SHANK2: variants seen among roughly 807,000 people sequenced by gnomAD.
The protein encoded by SHANK2 is SH3 and multiple ankyrin repeat domains protein 2.
A neutral mutation model predicts 133.7 loss-of-function variants in SHANK2; 43 were observed. The ratio of observed to expected loss-of-function variants is 0.32; its 90% confidence interval spans 0.25 to 0.41. SHANK2 has a LOEUF of 0.41. Ranked by LOEUF, SHANK2 falls within the 10% of genes least tolerant of loss-of-function variation. The probability of loss-of-function intolerance (pLI) is 1.00; values close to 1 mark genes in which losing one functional copy is unlikely to be tolerated. For missense variants in SHANK2, 1,994 were observed against 2,235.8 expected, an observed-to-expected ratio of 0.89 and a Z score of 2.18; for synonymous variants, 1,017 against 952.8, an observed-to-expected ratio of 1.07 and a Z score of -1.24.
At chr11:70,643,391 G>A (rs979668407) in intron 17 of SHANK2, among the ~76,000 whole-genome samples, 9 of 152,076 alleles carry the variant, frequency 5.9e-5, no homozygotes, top group South Asian at 2.1e-4. Context: ...GTGAAAACCC[G>A]TCTCTACTAA....
In SHANK2 at chr11:71,082,394, C is replaced by T. The variant is rs1290009710; in HGVS notation, c.913-7119G>A. ...CCTCGATACCTAGATGGACAGTGAT[C>T]GCCTCAGCACCTGGACACGGTGGGT... On this transcript the variant is annotated intron_variant, in intron 8 of 25. Transcript: ENST00000601538. Among the ~76,000 whole-genome samples the T allele has an allele frequency of 5.3e-5, 8 of 152,316 alleles. No individual in the cohort carries two copies. In the East Asian group the frequency reaches 1.2e-3, roughly 22 times the overall value.
At chr11:71,181,572 G>C (rs1387368097) in intron 2 of SHANK2, among the ~76,000 whole-genome samples, 6 of 152,124 alleles carry the variant, frequency 3.9e-5, no homozygotes, top group African/African-American at 1.4e-4. Context: ...CAGTGTCAAA[G>C]AAAACCAATC....
At chr11:70,790,949 G>A (rs11237497) in intron 14 of SHANK2, among the ~76,000 whole-genome samples, 26,162 of 152,052 alleles carry the variant, frequency 0.17, 2,598 homozygotes, top group African/African-American at 0.25. Context: ...TAAGGTCCTC[G>A]AGGATGACCA....
At chr11:70,683,812 C>A (rs564320280) in intron 15 of SHANK2, among the ~76,000 whole-genome samples, 8 of 150,952 alleles carry the variant, frequency 5.3e-5, no homozygotes, top group Admixed American at 5.3e-4. Flanking sequence ...CAGACAGAGT[C>A]TCCCTCTGTT....
At position 70,502,717 on chromosome 11, in the gene SHANK2, C is replaced by T. The variant is rs531018646; in HGVS notation, c.2197+79G>A. The T allele has an allele frequency of 1.4e-5, 20 of 1,384,040 alleles. No homozygotes were observed. In the African/African-American group the frequency reaches 2.2e-4, roughly 15 times the overall value. 85.7% of individuals were successfully genotyped at this position (1,384,040 alleles called of 1,614,324 possible). On this transcript the variant is annotated intron_variant, in intron 18 of 25. Transcript: ENST00000601538. ...ATCAGCTGGAGAGAGGGCCCACTGC[C>T]CCCCAGCTGTCCTGCCCGCCCCCAC...
intron 14 of SHANK2, among the ~76,000 whole-genome samples, chr11:70,755,116 G>A (rs1300398682): frequency 1.3e-5 from 2 of 151,374 alleles, no homozygotes; most frequent in Non-Finnish European, 2.9e-5. Context: ...CTGTTGCCCA[G>A]GCTGGAGTGC....
In SHANK2 at chr11:70,487,555, G is replaced by A. The variant is rs1438222472; in HGVS notation, c.2738C>T (p.Thr913Ile). ...PTTYNCPKSPTPRVYGTIKPA... is the reference protein window; with the variant it reads ...PTTYNCPKSPIPRVYGTIKPA... ...CTTAATCGTCCCGTAGACTCTTGGA[G>A]TTGGGGACTTGGGGCAGTTGTAAGT... Residue 913 changes from threonine to isoleucine, a missense_variant, in exon 25 of 26, where the codon ACT becomes ATT. Thr to Ile is a moderately conservative substitution (Grantham distance 89). Coordinates refer to ENST00000601538, the MANE Select transcript of SHANK2 (RefSeq NM_012309.5). The surrounding 1 kb of genome is among the most constrained non-coding windows in gnomAD (Gnocchi z 5.8). 3 of 1,613,718 alleles carry A rather than the reference G, an allele frequency of 1.9e-6. No individual in the cohort carries two copies. Among genetic ancestry groups the A allele is most frequent in the Non-Finnish European group, 2.5e-6 (3 of 1,179,960 alleles).
At chr11:70,575,593 G>A (rs2060106605) in intron 17 of SHANK2, among the ~76,000 whole-genome samples, 1 of 151,242 alleles carries the variant, frequency 6.6e-6, no homozygotes, top group South Asian at 2.2e-4. Context: ...GGGTGGGGAG[G>A]AGACACCAGG....
chr11:70,775,327 G>A (rs943454550), intron 14 of SHANK2, among the ~76,000 whole-genome samples: 2 of 152,268 alleles, frequency 1.3e-5, no homozygotes, highest in East Asian at 1.9e-4. Flanking sequence ...GCATTGGCAC[G>A]TGTTTGTAAT....
At chr11:70,908,390 C>T (rs1249019885) in intron 10 of SHANK2, among the ~76,000 whole-genome samples, 3 of 152,218 alleles carry the variant, frequency 2.0e-5, no homozygotes, top group African/African-American at 7.2e-5. Context: ...TACACGGTGT[C>T]CTCAGGACAG....
chr11:71,218,322 T>C (rs1458500558), intron 2 of SHANK2, among the ~76,000 whole-genome samples: 2 of 143,864 alleles, frequency 1.4e-5, no homozygotes, highest in Admixed American at 1.5e-4. Flanking sequence ...TGGAGTGCAA[T>C]GGTGCAACCT....
At chr11:70,797,088 C>A (rs972586306) in intron 14 of SHANK2, among the ~76,000 whole-genome samples, 1 of 152,204 alleles carries the variant, frequency 6.6e-6, no homozygotes, top group African/African-American at 2.4e-5. Flanking sequence ...TCCCAGCCCT[C>A]GGGAGCTGAT....
intron 14 of SHANK2, among the ~76,000 whole-genome samples, chr11:70,706,770 A>G (rs1251008318): frequency 2.6e-5 from 4 of 151,834 alleles, no homozygotes. Context: ...GGCCAAACCT[A>G]GAAATCCCAC....
chr11:71,083,399 G>A (rs959196803), intron 8 of SHANK2, among the ~76,000 whole-genome samples: 3 of 152,138 alleles, frequency 2.0e-5, no homozygotes, highest in Non-Finnish European at 2.9e-5. Flanking sequence ...AATGCCTCAC[G>A]TAAATTCTGT....
chr11:71,057,340 CA>C (rs1190400622), intron 9 of SHANK2, among the ~76,000 whole-genome samples: 1 of 151,442 alleles, frequency 6.6e-6, no homozygotes. Context: ...CATCTCAAAA[CA>C]AAAAACAAAC....
At chr11:70,695,377 T>G (rs1310714096) in intron 15 of SHANK2, among the ~76,000 whole-genome samples, 6 of 152,046 alleles carry the variant, frequency 3.9e-5, no homozygotes, top group Admixed American at 1.3e-4. Flanking sequence ...AATGAAGTAC[T>G]GGTGTGTGTC....
At chr11:71,229,824 A>G (rs941657370) in intron 1 of SHANK2, among the ~76,000 whole-genome samples, 55 of 152,272 alleles carry the variant, frequency 3.6e-4, no homozygotes, top group African/African-American at 1.3e-3. Context: ...CTAACAATAC[A>G]TATTCAGGAA....
intron 11 of SHANK2, among the ~76,000 whole-genome samples, chr11:70,877,361 T>C (rs923309688): frequency 2.0e-5 from 3 of 152,202 alleles, no homozygotes; most frequent in Non-Finnish European, 4.4e-5. Flanking sequence ...CGGATTTCTA[T>C]AGTAACCGGC....
chr11:70,716,895 G>GCCCCCCCCCCCCCCCCCCCCCCCCCCCC (rs60827522), intron 14 of SHANK2, among the ~76,000 whole-genome samples: 1 of 138,392 alleles, frequency 7.2e-6, no homozygotes, highest in African/African-American at 2.9e-5. Context: ...GGGTCCCGGA[G>GCCCCCCCCCCCCCCCCCCCCCCCCCCCC]CCCCCCCCCC....
Sources: allele counts gnomAD v4.1 joint callset (sites outside exome capture counted in the v4.1 genomes callset), GRCh38; gene constraint gnomAD v4.1.1; non-coding constraint Gnocchi (gnomAD v3.1); transcripts MANE v1.5; gene names NCBI Gene and HGNC (gene_info 2026-07-23, HGNC 2026-07-21).